Variants in TXNL1 observed in about 807,000 individuals in gnomAD.
The protein encoded by TXNL1 is thioredoxin-like protein 1.
A neutral mutation model predicts 35.5 loss-of-function variants in TXNL1; 14 were observed. The ratio of observed to expected loss-of-function variants is 0.39; its 90% CI spans 0.26 to 0.62. TXNL1 has a LOEUF of 0.62. TXNL1 is among the 20% of genes least tolerant of loss of function. The probability of loss-of-function intolerance (pLI) is 0.47; values close to 1 mark genes in which losing one functional copy is unlikely to be tolerated. For missense variants in TXNL1, 263 were observed against 349.7 expected (o/e 0.75, Z 1.98); for synonymous variants, 110 against 115.5 (o/e 0.95, Z 0.31).
chr18:56,616,359 T>G, intron 4 of TXNL1, 45 bp from the exon 5 acceptor site: 1 of 1,499,754 alleles, frequency 6.7e-7, no homozygotes, highest in Non-Finnish European at 9.2e-7. Flanking sequence ...TGTACACACC[T>G]TGAGTACATA....
At chr18:56,607,254 G>C (rs1245745724) in intron 7 of TXNL1, among the ~76,000 whole-genome samples, 1 of 151,724 alleles carries the variant, frequency 6.6e-6, no homozygotes, top group Non-Finnish European at 1.5e-5. Context: ...CTGGGCTCAA[G>C]TGATCTTCCC....
At position 56,602,891 on chromosome 18, in the gene TXNL1, G is replaced by A; in HGVS notation, c.*136C>T. ...TCAAGATTACAATGGAAACACTAGT[G>A]ATACCATCTGAACAAAAGCAATGAT... On this transcript the variant is annotated 3_prime_UTR_variant, in exon 8 of 8. Transcript: ENST00000217515. The A allele has an allele frequency of 2.1e-6, 2 of 939,340 alleles. No homozygotes were observed. The highest frequency in any genetic ancestry group is 2.5e-5 in the East Asian group (1 of 39,696). The allele number at this position is 939,340 out of a possible 1,614,324, so 58.2% of individuals were successfully genotyped here. A position where few individuals can be genotyped will look rare whatever the true frequency, so the allele number is the denominator to read the frequency against.
At chr18:56,603,520 A>T (rs569883608) in intron 7 of TXNL1, among the ~76,000 whole-genome samples, 8 of 152,260 alleles carry the variant, frequency 5.3e-5, no homozygotes, top group Non-Finnish European at 1.2e-4. Flanking sequence ...CATGCAATGA[A>T]AACAGATTAA....
chr18:56,634,059 C>T (rs533596385), intron 1 of TXNL1, among the ~76,000 whole-genome samples: 9 of 149,108 alleles, frequency 6.0e-5, no homozygotes, highest in African/African-American at 1.7e-4. Flanking sequence ...GGACAACGAA[C>T]GACACAATGT....
rs1046216755 is a variant in TXNL1 at position 56,601,108 on chromosome 18, T to C, written c.*1919A>G. The C allele has an allele frequency of 8.7e-5, 2 of 23,048 alleles. No homozygotes were observed. The highest frequency in any genetic ancestry group is 9.4e-4 in the Admixed American group (1 of 1,068). 1.4% of individuals were successfully genotyped at this position (23,048 alleles called of 1,614,324 possible). A position where few individuals can be genotyped will look rare whatever the true frequency, so the allele number is the denominator to read the frequency against. On this transcript the variant is annotated 3_prime_UTR_variant, in exon 8 of 8. Transcript: ENST00000217515. ...TTCAGTGTTATATATAAATGTTACA[T>C]ATACATATGTGTGTATATATATATA...
Position 56,612,365 on chromosome 18 carries a change from A to C in TXNL1, c.736-1268T>G, listed in dbSNP as rs145980449. Among the ~76,000 whole-genome samples the C allele has an allele frequency of 1.6e-4, 24 of 151,086 alleles. No individual in the cohort carries two copies. The East Asian group carries it at 4.5e-3, about 28-fold the overall frequency. ...AAATAGTATTGGGAATCAGCTCCTA[A>C]AACAATACTATGTGCCTCATTTTTT... On this transcript the variant is annotated intron_variant, in intron 6 of 7. Transcript: ENST00000217515.
chr18:56,623,017 AT>A (rs574644962), intron 3 of TXNL1, among the ~76,000 whole-genome samples: 9,800 of 147,180 alleles, frequency 0.067, 1,054 homozygotes, highest in African/African-American at 0.23. Context: ...AGAATCTCTC[AT>A]TTTTTTTTTT....
intron 1 of TXNL1, among the ~76,000 whole-genome samples, chr18:56,634,711 T>C (rs2024429242): frequency 6.6e-6 from 1 of 152,138 alleles, no homozygotes; most frequent in African/African-American, 2.4e-5. Flanking sequence ...ATAAAACTCT[T>C]AGATGAAAAC....
chr18:56,598,018 T>G lies in TXNL1; in HGVS notation c.*5009A>C, dbSNP rs1364501372. 1 of 152,250 alleles carries G rather than the reference T, an allele frequency of 6.6e-6. No homozygotes were observed. The highest frequency in any genetic ancestry group is 6.5e-5 in the Admixed American group (1 of 15,288). 9.4% of individuals were successfully genotyped at this position (152,250 alleles called of 1,614,324 possible). On this transcript the variant is annotated 3_prime_UTR_variant, in exon 8 of 8. Coordinates refer to ENST00000217515, the MANE Select transcript of TXNL1 (RefSeq NM_004786.3). Reference sequence around the variant, plus strand: ...AAGAGGAGCTTCACCTTACCGTCTCTACTTGCTCTTTCAGCTTCTCCTTCA... The same window carrying G: ...AAGAGGAGCTTCACCTTACCGTCTCGACTTGCTCTTTCAGCTTCTCCTTCA...
chr18:56,611,194 C>A, intron 6 of TXNL1, 97 bp from the exon 7 acceptor site: 1 of 841,056 alleles, frequency 1.2e-6, no homozygotes, highest in South Asian at 1.6e-5. Context: ...TAAATATTCT[C>A]CATTCTTTGT....
Position 56,597,892 on chromosome 18 carries a change from A to G in TXNL1, c.*5135T>C, listed in dbSNP as rs1200565953. 1 of 152,238 alleles carries G rather than the reference A, an allele frequency of 6.6e-6. No individual in the cohort carries two copies. The highest frequency in any genetic ancestry group is 2.4e-5 in the African/African-American group (1 of 41,468). 9.4% of individuals were successfully genotyped at this position (152,238 alleles called of 1,614,324 possible). Reference sequence around the variant, plus strand: ...TCTGCTTCTCCTAAGAGCTACTTCTATATTCAATTGTAAAAGTGAGAACCT... The same window carrying G: ...TCTGCTTCTCCTAAGAGCTACTTCTGTATTCAATTGTAAAAGTGAGAACCT... On this transcript the variant is annotated 3_prime_UTR_variant, in exon 8 of 8. Transcript: ENST00000217515.
chr18:56,610,886 A>T (rs550477295), intron 7 of TXNL1, 107 bp downstream of exon 7: 3 of 711,086 alleles, frequency 4.2e-6, no homozygotes, highest in Non-Finnish European at 6.6e-6. Context: ...GACATGATAT[A>T]ATTTTGAATT....
At chr18:56,623,163 C>T (rs1044728148) in intron 3 of TXNL1, among the ~76,000 whole-genome samples, 2 of 152,252 alleles carry the variant, frequency 1.3e-5, no homozygotes, top group East Asian at 1.9e-4. Context: ...CAGTGGCTCA[C>T]GCCTGTAATC....
intron 2 of TXNL1, among the ~76,000 whole-genome samples, chr18:56,625,933 C>T (rs2144322200): frequency 6.6e-6 from 1 of 152,292 alleles, no homozygotes; most frequent in Middle Eastern, 3.4e-3. Flanking sequence ...ACAATAATCA[C>T]CATTTTAAAG....
Position 56,614,571 on chromosome 18 carries a change from A to T in TXNL1, c.588T>A (p.Ile196=), listed in dbSNP as rs943275848. 6.2e-7 allele frequency: 1 copy of T among 1,613,502 alleles called. No homozygotes were observed. Among genetic ancestry groups the T allele is most frequent in the Non-Finnish European group, 8.5e-7 (1 of 1,179,864 alleles). The change falls in exon 6 of 8, where the codon ATT becomes ATA. Residue 196 remains isoleucine (I), a synonymous_variant. Transcript: ENST00000217515. ...CCATAGATCGGGGTAGGTTGATAAA[A>T]ATTTTTACATATTTAGGGCCCTGAC... ...DNGQGPKYVK[I]FINLPRSMDF...
chr18:56,611,489 C>T (rs1374549920), intron 6 of TXNL1, among the ~76,000 whole-genome samples: 3 of 136,032 alleles, frequency 2.2e-5, no homozygotes, highest in African/African-American at 8.2e-5. Flanking sequence ...GCAACAAGAG[C>T]AAAACTCTGG....
intron 1 of TXNL1, among the ~76,000 whole-genome samples, chr18:56,627,227 C>T (rs1233758983): frequency 2.0e-5 from 3 of 152,116 alleles, no homozygotes; most frequent in African/African-American, 4.8e-5. Context: ...GTTAAGTCTT[C>T]TAGCTTTGTT....
In TXNL1 at chr18:56,601,213, TAA is replaced by T. The variant is rs2023806656; in HGVS notation, c.*1812_*1813del. The T allele has an allele frequency of 6.6e-6, 1 of 152,216 alleles. No homozygotes were observed. Among genetic ancestry groups the T allele is most frequent in the Non-Finnish European group, 1.5e-5 (1 of 68,036 alleles). The allele number at this position is 152,216 out of a possible 1,614,324, so 9.4% of individuals were successfully genotyped here. On this transcript the variant is annotated 3_prime_UTR_variant, in exon 8 of 8. Coordinates refer to ENST00000217515, the MANE Select transcript of TXNL1 (RefSeq NM_004786.3). ...CATTTATAATAGTAAGATTTCCCAT[TAA>T]GTGAAACGTTATAGTTACCTATAAA...
chr18:56,629,007 A>AT (rs1429569815), intron 1 of TXNL1, among the ~76,000 whole-genome samples: 2 of 152,230 alleles, frequency 1.3e-5, no homozygotes, highest in African/African-American at 4.8e-5. Flanking sequence ...ATGGGAATAT[A>AT]TATCACTACA....
Sources: gnomAD v4.1 joint callset for allele counts (sites outside exome capture counted in the v4.1 genomes callset) on GRCh38, gnomAD v4.1.1 for gene constraint, MANE v1.5 for transcripts, NCBI Gene and HGNC (gene_info 2026-07-23, HGNC 2026-07-21) for gene names.